Variants in CDC14B observed in about 807,000 individuals in gnomAD.
The protein encoded by CDC14B is cell division cycle 14B, also known as dual specificity protein phosphatase CDC14B.
Under a neutral mutation model 64.2 loss-of-function variants are expected in CDC14B, and 22 were observed. That is an observed-to-expected ratio of 0.34 (90% confidence interval 0.24 to 0.49). The LOEUF is 0.49. Among genes scored for constraint, CDC14B ranks in the 20% least tolerant of loss-of-function variants. CDC14B has a pLI of 0.99. For missense variants in CDC14B, 498 were observed against 629.9 expected (o/e 0.79, Z 2.24); for synonymous variants, 191 against 215.8 (o/e 0.89, Z 1.01).
chr9:96,544,074 G>A (rs1218640401), intron 5 of CDC14B, among the ~76,000 whole-genome samples: 2 of 151,890 alleles, frequency 1.3e-5, no homozygotes, highest in African/African-American at 2.4e-5. Context: ...AAAATTAGCC[G>A]GGCATGGTGG....
chr9:96,519,061 A>G (rs1450916896), intron 12 of CDC14B, among the ~76,000 whole-genome samples: 5 of 152,118 alleles, frequency 3.3e-5, no homozygotes, highest in South Asian at 2.1e-4. Flanking sequence ...GCATGATCCC[A>G]GGAGGCGGAG....
chr9:96,553,768 C>T lies in CDC14B; in HGVS notation c.421-1896G>A, dbSNP rs1842138310. 2.6e-5 allele frequency among the ~76,000 whole-genome samples: 4 copies of T among 152,138 alleles called. No individual in the cohort carries two copies. In the South Asian group the frequency reaches 8.3e-4, roughly 31 times the overall value. On this transcript the variant is annotated intron_variant, in intron 4 of 13. Transcript: ENST00000375241. ...CCTTATTCCCTTCCAGTCTCCGATG[C>T]ATGTATGCCTCTTCTAACACTTACC...
In CDC14B at chr9:96,523,250, G is replaced by A. The variant is rs199833553; in HGVS notation, c.1245+11C>T. 48 of 1,613,364 alleles carry A rather than the reference G, an allele frequency of 3.0e-5. No individual in the cohort carries two copies. The highest frequency in any genetic ancestry group is 2.9e-4 in the African/African-American group (22 of 74,856). On this transcript the variant is annotated intron_variant, in intron 11 of 13. Coordinates refer to ENST00000375241, the MANE Select transcript of CDC14B (RefSeq NM_033331.4). The stretch of plus-strand genomic sequence containing the variant: ...GCAGTAACAACATCGCAACAGAAAC[G>A]GCTTGATTACCGGTTCGGGTTCTTG...
At chr9:96,566,623 T>A (rs1843997724) in intron 1 of CDC14B, 1 of 748,464 alleles carries the variant, frequency 1.3e-6, no homozygotes, top group Non-Finnish European at 2.2e-6. Context: ...GCCCAGAGCC[T>A]GGGGACAAGT....
intron 12 of CDC14B, among the ~76,000 whole-genome samples, chr9:96,517,727 G>A (rs1373184604): frequency 2.0e-5 from 3 of 150,420 alleles, no homozygotes; most frequent in South Asian, 2.1e-4. Context: ...GTGCAGTGGC[G>A]TTATCATAGT....
rs1420766106 is a variant in CDC14B at position 96,619,536 on chromosome 9, C to A, written c.-158G>T. ...CCGGCAGAGCCCGGCGGGAGGCGGT[C>A]GCGCAGGAGCCGGAGGAGGAGCCCG... On this transcript the variant is annotated 5_prime_UTR_variant, in exon 1 of 14. Coordinates refer to ENST00000375241, the MANE Select transcript of CDC14B (RefSeq NM_033331.4). The A allele has an allele frequency of 3.2e-5, 6 of 186,954 alleles. No homozygotes were observed. The highest frequency in any genetic ancestry group is 5.8e-5 in the Non-Finnish European group (6 of 103,134). 11.6% of individuals were successfully genotyped at this position (186,954 alleles called of 1,614,324 possible).
At chr9:96,585,561 A>G (rs1273793289) in intron 1 of CDC14B, among the ~76,000 whole-genome samples, 1 of 152,218 alleles carries the variant, frequency 6.6e-6, no homozygotes, top group African/African-American at 2.4e-5. Flanking sequence ...AATTAAAACC[A>G]CAATGAAATA....
At chr9:96,532,902 A>C (rs1309306601) in intron 9 of CDC14B, among the ~76,000 whole-genome samples, 1 of 152,046 alleles carries the variant, frequency 6.6e-6, no homozygotes, top group Non-Finnish European at 1.5e-5. Flanking sequence ...GGTATCTTTA[A>C]GATGGTTATT....
chr9:96,585,967 GTTTGT>G (rs1198625689), intron 1 of CDC14B, among the ~76,000 whole-genome samples: 2 of 152,186 alleles, frequency 1.3e-5, no homozygotes, highest in African/African-American at 4.8e-5. Flanking sequence ...AGACACAAGA[GTTTGT>G]TTTATGATTC....
Position 96,619,783 on chromosome 9 carries a change from G to C in CDC14B, c.-405C>G, listed in dbSNP as rs1341522780. Reference sequence around the variant, plus strand: ...GCGGCCGCTGCTGCGTAGGCGCCGGGGCACAGCAGGACGCGGCTCGTGGGG... The same window carrying C: ...GCGGCCGCTGCTGCGTAGGCGCCGGCGCACAGCAGGACGCGGCTCGTGGGG... On this transcript the variant is annotated 5_prime_UTR_variant, in exon 1 of 14. Coordinates refer to ENST00000375241, the MANE Select transcript of CDC14B (RefSeq NM_033331.4). 2 of 151,884 alleles carry C rather than the reference G, an allele frequency of 1.3e-5. No homozygotes were observed. The highest frequency in any genetic ancestry group is 1.5e-5 in the Non-Finnish European group (1 of 67,944). The allele number at this position is 151,884 out of a possible 1,614,324, so 9.4% of individuals were successfully genotyped here.
At chr9:96,576,207 G>A (rs1205926711) in intron 1 of CDC14B, among the ~76,000 whole-genome samples, 5 of 152,094 alleles carry the variant, frequency 3.3e-5, no homozygotes, top group Non-Finnish European at 1.5e-5. Context: ...TTGAACCCAG[G>A]AGACGGAGGT....
chr9:96,619,439 C>A lies in CDC14B; in HGVS notation c.-61G>T. The stretch of plus-strand genomic sequence containing the variant: ...TGGCCCCGCGCGCCCGCGCGCCCGC[C>A]GAGGCTCCCGCCAGCCCCGCGCGGG... On this transcript the variant is annotated 5_prime_UTR_variant, in exon 1 of 14. Coordinates refer to ENST00000375241, the MANE Select transcript of CDC14B (RefSeq NM_033331.4). 9.9e-7 allele frequency: 1 copy of A among 1,008,530 alleles called. No individual in the cohort carries two copies. Among genetic ancestry groups the A allele is most frequent in the Non-Finnish European group, 1.2e-6 (1 of 838,478 alleles). The allele number at this position is 1,008,530 out of a possible 1,614,324, so 62.5% of individuals were successfully genotyped here.
chr9:96,571,463 C>T (rs1196252871), intron 1 of CDC14B, among the ~76,000 whole-genome samples: 2 of 152,086 alleles, frequency 1.3e-5, no homozygotes, highest in Admixed American at 6.5e-5. Context: ...GGTGAGCCAC[C>T]TCGCCTGGGC....
chr9:96,607,413 CTTT>C (rs999912549), intron 1 of CDC14B, among the ~76,000 whole-genome samples: 1 of 66,348 alleles, frequency 1.5e-5, no homozygotes, highest in African/African-American at 5.9e-5. Flanking sequence ...AACGTGATGT[CTTT>C]TTTTTTTTTT....
chr9:96,534,066 A>T lies in CDC14B; in HGVS notation c.807T>A (p.Asp269Glu), dbSNP rs780233969. The change falls in exon 9 of 14, where the codon GAT (aspartate) becomes GAA (glutamate). Residue 269 changes from aspartate (D) to glutamate (E), a missense_variant. Transcript: ENST00000375241. ...TIIRLNKRMYDAKRFTDAGFD... is the reference protein window; with the variant it reads ...TIIRLNKRMYEAKRFTDAGFD... ...AGCCAGCATCCGTAAAGCGTTTGGC[A>T]TCATACATCCTTTTATTCAGACGAA... is the stretch of plus-strand genomic sequence containing the variant. The T allele has an allele frequency of 6.2e-7, 1 of 1,613,060 alleles. No homozygotes were observed. The highest frequency in any genetic ancestry group is 1.7e-5 in the Admixed American group (1 of 59,978).
At position 96,565,426 on chromosome 9, in the gene CDC14B, T is replaced by C. The variant is rs751267135; in HGVS notation, c.218A>G (p.Tyr73Cys). 2 of 1,610,096 alleles carry C rather than the reference T, an allele frequency of 1.2e-6. No homozygotes were observed. The highest frequency in any genetic ancestry group is 1.3e-5 in the African/African-American group (1 of 74,844). Reference protein sequence around the residue: ...SRPKSASNVHYFSIDNELEYE... With the variant: ...SRPKSASNVHCFSIDNELEYE... ...TTCAAGTTCATTATCTATGCTGAAA[T>C]AATGTACATTTGATGCACTCTTTGG... Residue 73 changes from tyrosine (Y) to cysteine (C), a missense_variant, in exon 2 of 14, where the codon TAT becomes TGT. Coordinates refer to ENST00000375241, the MANE Select transcript of CDC14B (RefSeq NM_033331.4).
In CDC14B at chr9:96,617,200, C is replaced by T. The variant is rs551078376; in HGVS notation, c.160+2019G>A. 1.7e-4 allele frequency among the ~76,000 whole-genome samples: 25 copies of T among 150,082 alleles called. No homozygotes were observed. In the South Asian group the frequency reaches 4.6e-3, roughly 27 times the overall value. On this transcript the variant is annotated intron_variant, in intron 1 of 13. Transcript: ENST00000375241. ...TGGAAGGGGACCAGAGCGGGTTGCC[C>T]TCTGATAGCATTTTTATTTCCTGTA...
intron 4 of CDC14B, 106 bp downstream of exon 4, chr9:96,562,587 T>C (rs747626179): frequency 3.7e-6 from 3 of 805,552 alleles, no homozygotes; most frequent in Non-Finnish European, 6.4e-6. Context: ...ACGTTCTTTC[T>C]GAAGAGAAAT....
At chr9:96,569,609 T>C (rs1844354206) in intron 1 of CDC14B, among the ~76,000 whole-genome samples, 1 of 152,160 alleles carries the variant, frequency 6.6e-6, no homozygotes, top group Non-Finnish European at 1.5e-5. Context: ...ATTAGGAACC[T>C]GGAACCAGAA....
Sources: gnomAD v4.1 joint callset for allele counts (sites outside exome capture counted in the v4.1 genomes callset) on GRCh38, gnomAD v4.1.1 for gene constraint, MANE v1.5 for transcripts, NCBI Gene and HGNC (gene_info 2026-07-23, HGNC 2026-07-21) for gene names.